POU2F2: variants seen among roughly 807,000 people sequenced by gnomAD.
POU2F2 encodes the protein POU domain, class 2, transcription factor 2.
POU2F2 carries 14 observed loss-of-function variants against 63.5 expected under a neutral mutation model. That is an observed-to-expected ratio of 0.22 (90% CI 0.15 to 0.34). The LOEUF is 0.34. POU2F2 is among the 10% of genes least tolerant of loss of function. The probability of loss-of-function intolerance (pLI) is 1.00; values close to 1 mark genes in which losing one functional copy is unlikely to be tolerated. For missense variants in POU2F2, 607 were observed against 815.2 expected (o/e 0.74, Z 3.11); for synonymous variants, 306 against 348.6 (o/e 0.88, Z 1.36).
Position 42,095,981 on chromosome 19 carries a change from A to C in POU2F2, c.730-52T>G, listed in dbSNP as rs370053218. ...CGAAGTCAGGGTGGGGCCTTCCGGCACTGGGCCCGCTCCGCCCGCCCACTG... is the reference window on the plus strand; with the variant it reads ...CGAAGTCAGGGTGGGGCCTTCCGGCCCTGGGCCCGCTCCGCCCGCCCACTG... On this transcript the variant is annotated intron_variant, in intron 8 of 14. Transcript: ENST00000692977. This position sits in a 1 kb window ranked among gnomAD's most constrained non-coding sequence, Gnocchi z 7.1. 5 of 1,603,872 alleles carry C rather than the reference A, an allele frequency of 3.1e-6. No individual in the cohort carries two copies. The highest frequency in any genetic ancestry group is 2.7e-5 in the African/African-American group (2 of 74,696).
intron 5 of POU2F2, chr19:42,116,757 A>G (rs1163831893): frequency 2.8e-6 from 1 of 354,418 alleles, no homozygotes; most frequent in African/African-American, 2.2e-5. Flanking sequence ...GTGGGGTCCC[A>G]GGGGGCTGGC....
In POU2F2 at chr19:42,193,064, C is replaced by CA. The variant is rs1010641841; in HGVS notation, c.-70+3318dup. Reference sequence around the variant, plus strand: ...TGAAATCCCGTCTCTACTAAAAATACAAAAAAAAAAAAATAGCCGGGCGTG... The same window carrying CA: ...TGAAATCCCGTCTCTACTAAAAATACAAAAAAAAAAAAAATAGCCGGGCGTG... On this transcript the variant is annotated intron_variant, in intron 1 of 5. Transcript: ENST00000532176. 5.0e-3 allele frequency among the ~76,000 whole-genome samples: 658 copies of CA among 131,710 alleles called. 2 individuals are homozygous for CA. The highest frequency in any genetic ancestry group is 0.029 in the Middle Eastern group (7 of 242). The allele number at this position is 131,710 out of a possible 152,430, so 86.4% of individuals were successfully genotyped here. A position where few individuals can be genotyped will look rare whatever the true frequency, so the allele number is the denominator to read the frequency against.
chr19:42,182,470 T>G, intron 1 of POU2F2, among the ~76,000 whole-genome samples: 1 of 147,944 alleles, frequency 6.8e-6, no homozygotes, highest in Non-Finnish European at 1.5e-5. Flanking sequence ...TCAGGAAGAG[T>G]GAAGGGGACT....
chr19:42,184,624 C>T (rs2034995270), intron 1 of POU2F2, among the ~76,000 whole-genome samples: 1 of 152,200 alleles, frequency 6.6e-6, no homozygotes, highest in Non-Finnish European at 1.5e-5. Context: ...CCCCCCAAGA[C>T]ACACCCTTGT....
At position 42,171,431 on chromosome 19, in the gene POU2F2, C is replaced by CGTGTGT. The variant is rs71336804; in HGVS notation, c.-70+4526_-70+4531dup. ...AGATGGAATGTCAGGGGCTGCGCTT[C>CGTGTGT]GTGTGTGTGTGTGTGTGTGTGTGTG... On this transcript the variant is annotated intron_variant, in intron 1 of 6. Transcript: ENST00000524801. 5.8e-3 allele frequency among the ~76,000 whole-genome samples: 808 copies of CGTGTGT among 138,632 alleles called. 5 individuals carry two copies. The highest frequency in any genetic ancestry group is 0.022 in the Middle Eastern group (6 of 278). The allele number at this position is 138,632 out of a possible 152,430, so 90.9% of individuals were successfully genotyped here. A position where few individuals can be genotyped will look rare whatever the true frequency, so the allele number is the denominator to read the frequency against.
intron 2 of POU2F2, among the ~76,000 whole-genome samples, chr19:42,144,923 T>C (rs562494568): frequency 1.6e-4 from 25 of 152,342 alleles, no homozygotes; most frequent in Non-Finnish European, 2.9e-4. Flanking sequence ...CCTGGGCCTC[T>C]TGCATCTCTG....
intron 1 of POU2F2, among the ~76,000 whole-genome samples, chr19:42,125,846 A>G (rs908505174): frequency 6.6e-6 from 1 of 152,148 alleles, no homozygotes; most frequent in African/African-American, 2.4e-5. Flanking sequence ...CATGTCGAGC[A>G]TCTCCCCCTG....
intron 1 of POU2F2, among the ~76,000 whole-genome samples, chr19:42,190,890 G>C (rs1358144561): frequency 6.6e-6 from 1 of 152,022 alleles, no homozygotes. Flanking sequence ...GTGGATTTTA[G>C]CATAGGTCTG....
Position 42,095,642 on chromosome 19 carries a change from G to A in POU2F2, c.923C>T (p.Pro308Leu). The A allele has an allele frequency of 6.2e-7, 1 of 1,613,032 alleles. No homozygotes were observed. Among genetic ancestry groups the A allele is most frequent in the Non-Finnish European group, 8.5e-7 (1 of 1,179,840 alleles). Residue 308 changes from proline to leucine, a missense_variant, in exon 10 of 15, where the codon CCC (proline) becomes CTC (leucine). Around this residue, in one of 7 missense-constraint regions of POU2F2, gnomAD observed 39 missense variants for 36.3 expected, o/e 1.07. Coordinates refer to ENST00000692977, the MANE Select transcript of POU2F2 (RefSeq NM_001394376.1). This position sits in a 1 kb window ranked among gnomAD's most constrained non-coding sequence, Gnocchi z 7.1. ...GGGCAGGCCGTCGAAACCCAGGCTG[G>A]GGCTGCTCAGCTGGTTGGGGCTGGG... The part of the protein sequence containing the change: ...SLPSPNQLSS[P>L]SLGFDGLPGR...
chr19:42,147,694 C>G (rs181548237), intron 2 of POU2F2, among the ~76,000 whole-genome samples: 1 of 152,222 alleles, frequency 6.6e-6, no homozygotes, highest in Non-Finnish European at 1.5e-5. Flanking sequence ...TCTGTAAAAT[C>G]AAGATAATAA....
At position 42,184,544 on chromosome 19, in the gene POU2F2, C is replaced by T. The variant is rs559781136; in HGVS notation, c.-70+11839G>A. 6.6e-5 allele frequency among the ~76,000 whole-genome samples: 10 copies of T among 152,220 alleles called. No homozygotes were observed. The South Asian group carries it at 1.5e-3, about 22-fold the overall frequency. On this transcript the variant is annotated intron_variant, in intron 1 of 5. Coordinates refer to the POU2F2 transcript ENST00000532176. Reference sequence around the variant, plus strand: ...GGCTGAAGTGATGCATGACTAAGGACGAAGGGACACCTCCAAGTCCAGGCC... The same window carrying T: ...GGCTGAAGTGATGCATGACTAAGGATGAAGGGACACCTCCAAGTCCAGGCC...
intron 1 of POU2F2, among the ~76,000 whole-genome samples, chr19:42,129,034 T>C (rs1017237517): frequency 6.6e-6 from 1 of 152,092 alleles, no homozygotes; most frequent in Non-Finnish European, 1.5e-5. Flanking sequence ...GGTTTCACCA[T>C]GTTGGGCAGG....
chr19:42,107,922 C>T (rs1490756513), intron 5 of POU2F2, among the ~76,000 whole-genome samples: 1 of 152,112 alleles, frequency 6.6e-6, no homozygotes, highest in Non-Finnish European at 1.5e-5. Context: ...TCTGATCCAG[C>T]CCCACTGATC....
chr19:42,138,907 A>G (rs2034072154), intron 2 of POU2F2, among the ~76,000 whole-genome samples: 2 of 152,200 alleles, frequency 1.3e-5, no homozygotes, highest in South Asian at 4.1e-4. Flanking sequence ...ATTCACATGG[A>G]TACAAACATT....
chr19:42,135,697 TC>T (rs1455180230), upstream of POU2F2, among the ~76,000 whole-genome samples: 1 of 150,150 alleles, frequency 6.7e-6, no homozygotes, highest in East Asian at 1.9e-4. Context: ...ATTTTTAAAG[TC>T]CAGGCTCTTT....
chr19:42,151,092 G>T (rs1247600946), intron 2 of POU2F2, among the ~76,000 whole-genome samples: 2 of 152,234 alleles, frequency 1.3e-5, no homozygotes, highest in Non-Finnish European at 2.9e-5. Flanking sequence ...GGAGCCATTT[G>T]GCTGATGGTC....
chr19:42,148,459 A>G (rs1402254552), intron 2 of POU2F2, among the ~76,000 whole-genome samples: 1 of 152,098 alleles, frequency 6.6e-6, no homozygotes, highest in Non-Finnish European at 1.5e-5. Flanking sequence ...TCTCTAACAC[A>G]GAGATCCTCA....
chr19:42,189,386 G>A (rs1444076311), intron 1 of POU2F2, among the ~76,000 whole-genome samples: 5 of 152,148 alleles, frequency 3.3e-5, no homozygotes, highest in Non-Finnish European at 7.4e-5. Context: ...TATGTGACAG[G>A]AGGCCCAAAT....
chr19:42,188,194 G>A (rs1037718605), intron 1 of POU2F2, among the ~76,000 whole-genome samples: 2 of 151,620 alleles, frequency 1.3e-5, no homozygotes, highest in Admixed American at 1.3e-4. Context: ...GTGAAACCCC[G>A]TCTCTACCAA....
Sources: allele counts gnomAD v4.1 joint callset (sites outside exome capture counted in the v4.1 genomes callset), GRCh38; gene constraint gnomAD v4.1.1; regional missense constraint gnomAD v4.1.1; non-coding constraint Gnocchi (gnomAD v3.1); transcripts MANE v1.5; gene names NCBI Gene and HGNC (gene_info 2026-07-23, HGNC 2026-07-21).